Variants in NCKAP5 observed in about 807,000 individuals in gnomAD.
The protein encoded by NCKAP5 is NCK associated protein 5, also known as nck-associated protein 5.
Under a neutral mutation model 167.0 loss-of-function variants are expected in NCKAP5, and 92 were observed. The observed-to-expected ratio is 0.55, with a 90% confidence interval of 0.47 to 0.66. The LOEUF is 0.66. Among genes scored for constraint, NCKAP5 ranks in the 30% least tolerant of loss-of-function variants. The pLI, the probability that NCKAP5 is intolerant of heterozygous loss-of-function variation, is 0.00. For missense variants in NCKAP5, 2,378 were observed against 2,315.0 expected (o/e 1.03, Z -0.56); for synonymous variants, 891 against 877.4 (o/e 1.02, Z -0.27).
At chr2:132,857,867 G>C (rs1179840181) in intron 11 of NCKAP5, among the ~76,000 whole-genome samples, 1 of 152,120 alleles carries the variant, frequency 6.6e-6, no homozygotes, top group African/African-American at 2.4e-5. Flanking sequence ...CTAATCCTCA[G>C]AGCACTCCCT....
chr2:132,967,904 T>C (rs971103611), intron 7 of NCKAP5, among the ~76,000 whole-genome samples: 2 of 151,532 alleles, frequency 1.3e-5, no homozygotes, highest in African/African-American at 4.9e-5. Flanking sequence ...AACAACAGAG[T>C]GAGGCTGAGT....
At chr2:132,818,110 G>T (rs906705882) in intron 11 of NCKAP5, among the ~76,000 whole-genome samples, 5 of 152,028 alleles carry the variant, frequency 3.3e-5, no homozygotes, top group African/African-American at 1.2e-4. Flanking sequence ...AGCATGCCTG[G>T]CTAATTTTTG....
intron 8 of NCKAP5, among the ~76,000 whole-genome samples, chr2:132,934,672 C>T (rs1052678053): frequency 1.3e-5 from 2 of 152,116 alleles, no homozygotes; most frequent in African/African-American, 4.8e-5. Context: ...TTTATTTTAC[C>T]TTAATTTATT....
At chr2:133,257,213 G>A (rs1308288524) in intron 4 of NCKAP5, among the ~76,000 whole-genome samples, 1 of 152,152 alleles carries the variant, frequency 6.6e-6, no homozygotes, top group Non-Finnish European at 1.5e-5. Context: ...CACAGCTGAA[G>A]GTTTTCAAGG....
chr2:132,800,649 A>T (rs1269716043), intron 11 of NCKAP5, among the ~76,000 whole-genome samples: 1 of 151,968 alleles, frequency 6.6e-6, no homozygotes, highest in Admixed American at 6.6e-5. Context: ...TCCATGGCAC[A>T]CTTTCCTCCT....
intron 3 of NCKAP5, among the ~76,000 whole-genome samples, chr2:133,488,224 T>G (rs1303815184): frequency 2.0e-5 from 3 of 152,230 alleles, no homozygotes; most frequent in African/African-American, 4.8e-5. Flanking sequence ...CTTGGAGAAG[T>G]GTTTTTTGTT....
At position 133,263,985 on chromosome 2, in the gene NCKAP5, T is replaced by C. The variant is rs527443337; in HGVS notation, c.143+39052A>G. ...TTAATTTGCTAGTCTCCCAGCAACTTTGTGCTAACACTTTCATCCCATTTT... is the reference window on the plus strand; with the variant it reads ...TTAATTTGCTAGTCTCCCAGCAACTCTGTGCTAACACTTTCATCCCATTTT... On this transcript the variant is annotated intron_variant, in intron 4 of 19. Transcript: ENST00000409261. Among the ~76,000 whole-genome samples, 4 of 152,338 alleles carry C rather than the reference T, an allele frequency of 2.6e-5. No homozygotes were observed. The East Asian group carries it at 5.8e-4, about 22-fold the overall frequency.
chr2:133,420,572 G>A (rs926085378), intron 3 of NCKAP5, among the ~76,000 whole-genome samples: 3 of 152,098 alleles, frequency 2.0e-5, no homozygotes, highest in Non-Finnish European at 4.4e-5. Flanking sequence ...CACTTTAATG[G>A]GTGGAAAGTA....
intron 11 of NCKAP5, among the ~76,000 whole-genome samples, chr2:132,847,378 G>A (rs545210819): frequency 6.6e-6 from 1 of 152,272 alleles, no homozygotes; most frequent in East Asian, 1.9e-4. Context: ...TCAAAGAGGA[G>A]ATAACTGAAA....
intron 7 of NCKAP5, among the ~76,000 whole-genome samples, chr2:132,966,971 T>C (rs2076688571): frequency 6.6e-6 from 1 of 152,142 alleles, no homozygotes; most frequent in African/African-American, 2.4e-5. Context: ...CAAGGCACAG[T>C]CAGTGCTGCC....
At chr2:133,240,027 G>C (rs2087607163) in intron 4 of NCKAP5, among the ~76,000 whole-genome samples, 1 of 151,864 alleles carries the variant, frequency 6.6e-6, no homozygotes, top group Non-Finnish European at 1.5e-5. Flanking sequence ...TATTTTAACA[G>C]CTAGTCTTAC....
chr2:133,304,634 C>T (rs1680643761), intron 3 of NCKAP5, among the ~76,000 whole-genome samples: 1 of 152,116 alleles, frequency 6.6e-6, no homozygotes, highest in African/African-American at 2.4e-5. Flanking sequence ...ATATGTTCAG[C>T]CAAGAAAAAC....
chr2:132,916,136 T>C (rs1185480598), intron 8 of NCKAP5, among the ~76,000 whole-genome samples: 1 of 152,034 alleles, frequency 6.6e-6, no homozygotes, highest in African/African-American at 2.4e-5. Flanking sequence ...AATATTCATG[T>C]TTGCAGAGGC....
At chr2:133,361,364 G>A (rs758596441) in intron 3 of NCKAP5, among the ~76,000 whole-genome samples, 1 of 152,180 alleles carries the variant, frequency 6.6e-6, no homozygotes, top group African/African-American at 2.4e-5. Context: ...CTTAAGCAGA[G>A]CTGCAAAGAT....
chr2:132,918,786 T>G (rs1226153059), intron 8 of NCKAP5, among the ~76,000 whole-genome samples: 2 of 152,142 alleles, frequency 1.3e-5, no homozygotes, highest in African/African-American at 4.8e-5. Context: ...TGAAAAGAAA[T>G]TCCAAGTTTA....
chr2:132,675,342 T>G (rs549772913), intron 19 of NCKAP5, among the ~76,000 whole-genome samples: 1 of 152,356 alleles, frequency 6.6e-6, no homozygotes, highest in African/African-American at 2.4e-5. Context: ...GATACATCTT[T>G]ATTTCAGGAC....
intron 6 of NCKAP5, among the ~76,000 whole-genome samples, chr2:133,067,479 G>C (rs886720784): frequency 1.3e-5 from 2 of 152,218 alleles, no homozygotes; most frequent in Non-Finnish European, 2.9e-5. Context: ...CTATGCAGTA[G>C]TCACTAGAAG....
intron 6 of NCKAP5, among the ~76,000 whole-genome samples, chr2:132,999,731 C>T (rs183677696): frequency 9.3e-4 from 142 of 152,266 alleles, no homozygotes; most frequent in African/African-American, 3.1e-3. Flanking sequence ...GGCTTTTTCA[C>T]ATGCTTTCCC....
chr2:133,199,074 C>T (rs968197069), intron 5 of NCKAP5, among the ~76,000 whole-genome samples: 8 of 151,896 alleles, frequency 5.3e-5, no homozygotes, highest in African/African-American at 1.2e-4. Context: ...TACAACTTAA[C>T]CCCTAAACAC....
Sources: allele counts gnomAD v4.1 joint callset (sites outside exome capture counted in the v4.1 genomes callset), GRCh38; gene constraint gnomAD v4.1.1; transcripts MANE v1.5; gene names NCBI Gene and HGNC (gene_info 2026-07-23, HGNC 2026-07-21).